The following UNKL variants were observed in gnomAD, a reference collection of about 807,000 sequenced individuals.
The protein encoded by UNKL is putative E3 ubiquitin-protein ligase UNKL.
A neutral mutation model predicts 78.0 loss-of-function variants in UNKL; 60 were observed. That is an observed-to-expected ratio of 0.77 (90% confidence interval 0.63 to 0.95). The LOEUF (loss-of-function observed/expected upper bound fraction) is 0.95, where lower values mean the gene tolerates loss of function less well. Ranked by LOEUF, UNKL falls within the 40% of genes least tolerant of loss-of-function variation. The probability of loss-of-function intolerance (pLI) is 0.00; values close to 1 mark genes in which losing one functional copy is unlikely to be tolerated. For missense variants in UNKL, 1,159 were observed against 1,045.7 expected (o/e 1.11, Z -1.49); for synonymous variants, 608 against 474.8 (o/e 1.28, Z -3.65).
At chr16:1,380,575 C>T (rs1330327154) in intron 10 of UNKL, among the ~76,000 whole-genome samples, 2 of 150,034 alleles carry the variant, frequency 1.3e-5, no homozygotes, top group East Asian at 2.0e-4. Context: ...CAATTTCAGC[C>T]GCAGCAGCAG....
chr16:1,414,037 C>T lies in UNKL; in HGVS notation c.96G>A (p.Arg32=), dbSNP rs993768015. Residue 32 remains arginine (R), a synonymous_variant, in exon 2 of 15, where the codon AGG becomes AGA. Coordinates refer to ENST00000389221, the MANE Select transcript of UNKL (RefSeq NM_001372107.1). ...PTHYRYLKEF[R]TEQCPLFSQH... is the part of the protein sequence containing the mutation. ...GTGAAAACAGGGGGCACTGCTCCGTCCTGAACTCCTTCAGGTACCTACAAA... is the reference window on the plus strand; with the variant it reads ...GTGAAAACAGGGGGCACTGCTCCGTTCTGAACTCCTTCAGGTACCTACAAA... 2.1e-5 allele frequency: 33 copies of T among 1,549,790 alleles called. No individual in the cohort carries two copies. The highest frequency in any genetic ancestry group is 2.1e-5 in the Non-Finnish European group (24 of 1,146,454).
At chr16:1,389,804 G>A (rs1225799420) in intron 9 of UNKL, among the ~76,000 whole-genome samples, 1 of 152,186 alleles carries the variant, frequency 6.6e-6, no homozygotes, top group East Asian at 1.9e-4. Flanking sequence ...GTCAAGTGCT[G>A]CTGCTTGGGG....
intron 2 of UNKL, chr16:1,407,414 G>C (rs2142254181): frequency 1.3e-5 from 2 of 152,020 alleles, no homozygotes; most frequent in East Asian, 3.9e-4. Context: ...ACAGAGCTCT[G>C]GAAAGAAGAC....
chr16:1,410,531 C>T (rs761689142), intron 2 of UNKL, among the ~76,000 whole-genome samples: 1 of 152,194 alleles, frequency 6.6e-6, no homozygotes, highest in African/African-American at 2.4e-5. Context: ...CGCTTGAACC[C>T]GGGAGGTAGA....
At chr16:1,390,259 T>TA (rs1340347205) in intron 9 of UNKL, among the ~76,000 whole-genome samples, 3 of 152,104 alleles carry the variant, frequency 2.0e-5, no homozygotes, top group Admixed American at 2.0e-4. Context: ...GTGCTGAGAT[T>TA]ACAGGTGTGA....
At chr16:1,402,691 GA>G in intron 3 of UNKL, among the ~76,000 whole-genome samples, 1 of 150,202 alleles carries the variant, frequency 6.7e-6, no homozygotes, top group East Asian at 2.0e-4. Flanking sequence ...AGAAAAGAAA[GA>G]AATAACATCC....
At chr16:1,384,248 A>C (rs1422278308) in intron 10 of UNKL, among the ~76,000 whole-genome samples, 2 of 145,242 alleles carry the variant, frequency 1.4e-5, no homozygotes, top group Non-Finnish European at 3.0e-5. Context: ...CCACCCCAAC[A>C]CGGCAGGTGT....
intron 11 of UNKL, among the ~76,000 whole-genome samples, chr16:1,370,859 A>G (rs939891620): frequency 4.0e-5 from 6 of 151,868 alleles, no homozygotes; most frequent in South Asian, 4.2e-4. Context: ...CAAGGCGGGC[A>G]GATCACGGGG....
chr16:1,402,515 A>G (rs981403374), intron 3 of UNKL, among the ~76,000 whole-genome samples: 2 of 151,984 alleles, frequency 1.3e-5, no homozygotes, highest in Admixed American at 1.3e-4. Flanking sequence ...ACAACAAAAT[A>G]ACCCAGGCAT....
rs142580340 is a variant in UNKL at position 1,396,432 on chromosome 16, G to A, written c.852+746C>T. Among the ~76,000 whole-genome samples, 1,268 of 149,988 alleles carry A rather than the reference G, an allele frequency of 8.5e-3. 23 individuals carry two copies. The highest frequency in any genetic ancestry group is 0.03 in the African/African-American group (1,224 of 40,696). ...CTCCCGAGTAGCTAGGACTACAGGC[G>A]CGCACCACCACACCCAGCTAATTTT... On this transcript the variant is annotated intron_variant, in intron 6 of 14. Transcript: ENST00000389221.
intron 8 of UNKL, 37 bp from the exon 9 acceptor site, chr16:1,390,731 G>A: frequency 2.0e-6 from 3 of 1,534,140 alleles, no homozygotes; most frequent in Non-Finnish European, 2.6e-6. Context: ...GGAAAAAGCA[G>A]GGAGGAAATG....
chr16:1,377,883 C>A (rs967207303), intron 10 of UNKL, among the ~76,000 whole-genome samples: 1 of 152,050 alleles, frequency 6.6e-6, no homozygotes, highest in African/African-American at 2.4e-5. Flanking sequence ...CAACCCACAC[C>A]CCCTGAGGCC....
chr16:1,391,225 T>C (rs2037034883), intron 8 of UNKL, among the ~76,000 whole-genome samples: 1 of 149,148 alleles, frequency 6.7e-6, no homozygotes, highest in African/African-American at 2.5e-5. Flanking sequence ...GCAGTACTCT[T>C]GGTCCCTTAA....
At position 1,399,360 on chromosome 16, in the gene UNKL, T is replaced by TC. The variant is rs767273566; in HGVS notation, c.734+13dup. 5 of 1,574,310 alleles carry TC rather than the reference T, an allele frequency of 3.2e-6. No individual in the cohort carries two copies. The highest frequency in any genetic ancestry group is 4.3e-6 in the Non-Finnish European group (5 of 1,157,778). ...ACCAGCCGGAGTCCTCTGAGCACGG[T>TC]CCCGCAGGCTCACCTGTACTGGAAC... On this transcript the variant is annotated intron_variant, in intron 5 of 14. Coordinates refer to ENST00000389221, the MANE Select transcript of UNKL (RefSeq NM_001372107.1). The surrounding 1 kb of genome is among the most constrained non-coding windows in gnomAD (Gnocchi z 5.8).
At chr16:1,413,805 C>A (rs1163037401) in intron 2 of UNKL, 41 bp downstream of exon 2, 2 of 1,487,538 alleles carry the variant, frequency 1.3e-6, no homozygotes, top group Non-Finnish European at 1.8e-6. Context: ...GGAGGCCCCC[C>A]ACCTCCGCCC....
At position 1,367,203 on chromosome 16, in the gene UNKL, T is replaced by A; in HGVS notation, c.1935A>T (p.Val645=). 6.2e-7 allele frequency: 1 copy of A among 1,605,516 alleles called. No homozygotes were observed. ...QLQEELEGLG[V]ASTLPGLRGC... is the part of the protein sequence containing the mutation. ...CCCGCAGCCCCGGCAGTGTGGAGGC[T>A]ACGCCCAGGCCCTCCAGCTCCTCCT... Residue 645 remains valine, a synonymous_variant, in exon 14 of 15, where the codon GTA becomes GTT. Transcript: ENST00000389221.
intron 2 of UNKL, among the ~76,000 whole-genome samples, chr16:1,408,158 C>G (rs1175149026): frequency 6.6e-6 from 1 of 152,128 alleles, no homozygotes; most frequent in African/African-American, 2.4e-5. Flanking sequence ...TCCCGCGGGG[C>G]GCCTTTTCTA....
chr16:1,367,495 TCCCTCCCTCCCTCCCTC>T (rs2035383513), intron 13 of UNKL, 144 bp downstream of exon 13: 5 of 97,068 alleles, frequency 5.2e-5, no homozygotes, highest in Non-Finnish European at 7.3e-5. Context: ...CCTCCCTCCC[TCCCTCCCTCCCTCCCTC>T]CCCCTCCCGT....
In UNKL at chr16:1,372,033, G is replaced by GATC. The variant is rs562396578; in HGVS notation, c.1265-425_1265-423dup. ...GCACTTTGGGAGGCCGAGGTGGGCA[G>GATC]ATCACAAGGTCAGGAGATCGAGACC... On this transcript the variant is annotated intron_variant, in intron 10 of 14. Coordinates refer to ENST00000389221, the MANE Select transcript of UNKL (RefSeq NM_001372107.1). Among the ~76,000 whole-genome samples, 26 of 152,090 alleles carry GATC rather than the reference G, an allele frequency of 1.7e-4. No homozygotes were observed. In the South Asian group the frequency reaches 5.4e-3, roughly 32 times the overall value.
Sources: gnomAD v4.1 joint callset for allele counts (sites outside exome capture counted in the v4.1 genomes callset) on GRCh38, gnomAD v4.1.1 for gene constraint, Gnocchi (gnomAD v3.1) non-coding constraint, MANE v1.5 for transcripts, NCBI Gene and HGNC (gene_info 2026-07-23, HGNC 2026-07-21) for gene names.